Variants in STAM observed in about 807,000 individuals in gnomAD.
The protein encoded by STAM is signal transducing adaptor molecule.
STAM carries 16 observed loss-of-function variants against 63.4 expected under a neutral mutation model. The ratio of observed to expected loss-of-function variants is 0.25; its 90% confidence interval spans 0.17 to 0.38. The LOEUF (loss-of-function observed/expected upper bound fraction) is 0.38. STAM is among the 10% of genes least tolerant of loss of function. The pLI is 1.00. For missense variants in STAM, 636 were observed against 657.1 expected, an observed-to-expected ratio of 0.97 and a Z score of 0.35; for synonymous variants, 238 against 223.9, an observed-to-expected ratio of 1.06 and a Z score of -0.56.
chr10:17,665,367 T>C (rs1834334236), intron 2 of STAM, among the ~76,000 whole-genome samples: 1 of 152,188 alleles, frequency 6.6e-6, no homozygotes. Context: ...CATTGACAAG[T>C]CTAATTCCTA....
intron 2 of STAM, among the ~76,000 whole-genome samples, chr10:17,666,245 G>T (rs782302287): frequency 6.6e-6 from 1 of 152,042 alleles, no homozygotes; most frequent in Admixed American, 6.6e-5. Context: ...TTCTTTACCC[G>T]ACTAATGGAT....
At chr10:17,644,609 GC>G (rs1554820576) in intron 1 of STAM, among the ~76,000 whole-genome samples, 2 of 152,310 alleles carry the variant, frequency 1.3e-5, no homozygotes, top group African/African-American at 4.8e-5. Flanking sequence ...ACTGTAGGTT[GC>G]CAAAGAACTG....
intron 12 of STAM, among the ~76,000 whole-genome samples, chr10:17,707,475 G>A (rs1325926949): frequency 6.6e-6 from 1 of 151,832 alleles, no homozygotes; most frequent in Non-Finnish European, 1.5e-5. Context: ...TTTTTTCCAT[G>A]TAAAGTGGGC....
intron 9 of STAM, among the ~76,000 whole-genome samples, chr10:17,703,872 C>CTA (rs1346160277): frequency 1.3e-5 from 2 of 152,162 alleles, no homozygotes; most frequent in East Asian, 3.9e-4. Flanking sequence ...GAAACAGCTG[C>CTA]TGTATTCACC....
chr10:17,644,915 T>TA (rs1167648048), intron 1 of STAM, among the ~76,000 whole-genome samples: 12 of 152,078 alleles, frequency 7.9e-5, no homozygotes, highest in African/African-American at 2.9e-4. Context: ...GAAGATGAAA[T>TA]ACTTGGCAAC....
At chr10:17,671,442 A>G (rs556666484) in intron 2 of STAM, among the ~76,000 whole-genome samples, 3 of 152,348 alleles carry the variant, frequency 2.0e-5, no homozygotes, top group South Asian at 2.1e-4. Context: ...GGTATTAGAC[A>G]TCTCCTCTTT....
chr10:17,672,622 C>G (rs567840986), intron 2 of STAM, among the ~76,000 whole-genome samples: 2 of 152,294 alleles, frequency 1.3e-5, no homozygotes, highest in African/African-American at 4.8e-5. Flanking sequence ...TGTATGCAAG[C>G]CAGCTTCTTC....
chr10:17,686,612 T>G (rs186387994), intron 4 of STAM, among the ~76,000 whole-genome samples: 5 of 152,228 alleles, frequency 3.3e-5, no homozygotes, highest in Non-Finnish European at 7.4e-5. Context: ...ACTCCTGACC[T>G]TGTGATTGCC....
chr10:17,702,045 T>G (rs1311812746), intron 9 of STAM, among the ~76,000 whole-genome samples: 1 of 152,174 alleles, frequency 6.6e-6, no homozygotes, highest in African/African-American at 2.4e-5. Flanking sequence ...TTAATGAAAT[T>G]GCTATAATAG....
chr10:17,667,908 T>G (rs1564538722), intron 2 of STAM, among the ~76,000 whole-genome samples: 1 of 151,956 alleles, frequency 6.6e-6, no homozygotes, highest in African/African-American at 2.4e-5. Context: ...CAGAAGTCAG[T>G]TGCCCTGAAT....
At chr10:17,659,556 C>T (rs1281390391) in intron 1 of STAM, among the ~76,000 whole-genome samples, 1 of 145,156 alleles carries the variant, frequency 6.9e-6, no homozygotes, top group Non-Finnish European at 1.5e-5. Flanking sequence ...TCAGCCTCAA[C>T]CTCTTGGGCT....
chr10:17,684,626 G>A, intron 2 of STAM, 49 bp from the exon 3 acceptor site: 1 of 1,485,802 alleles, frequency 6.7e-7, no homozygotes, highest in Non-Finnish European at 9.3e-7. Flanking sequence ...AGGGGCAGGG[G>A]GAAGCTAGAT....
chr10:17,678,942 G>T (rs1834966778), intron 2 of STAM, among the ~76,000 whole-genome samples: 3 of 152,166 alleles, frequency 2.0e-5, no homozygotes, highest in African/African-American at 7.2e-5. Context: ...CATCCATGTT[G>T]TATATAGCAT....
intron 1 of STAM, among the ~76,000 whole-genome samples, chr10:17,649,398 A>T (rs1414490596): frequency 6.6e-6 from 1 of 151,800 alleles, no homozygotes; most frequent in Non-Finnish European, 1.5e-5. Flanking sequence ...GTCTTTAAAA[A>T]AAAAAAAAAA....
At chr10:17,704,031 G>A (rs1031010318) in intron 9 of STAM, among the ~76,000 whole-genome samples, 2 of 152,228 alleles carry the variant, frequency 1.3e-5, no homozygotes, top group Non-Finnish European at 2.9e-5. Context: ...CTCACGCATT[G>A]TAAGTTTAAA....
intron 2 of STAM, among the ~76,000 whole-genome samples, chr10:17,664,978 A>G (rs1554823252): frequency 6.6e-6 from 1 of 152,142 alleles, no homozygotes. Flanking sequence ...GGATAAATAA[A>G]ATGAAATAAT....
chr10:17,673,838 T>C (rs1283598150), intron 2 of STAM, among the ~76,000 whole-genome samples: 4 of 152,248 alleles, frequency 2.6e-5, no homozygotes, highest in Non-Finnish European at 5.9e-5. Flanking sequence ...GTTACAACTA[T>C]TATCTGACAG....
chr10:17,687,458 C>T (rs532708836), intron 4 of STAM, among the ~76,000 whole-genome samples: 17 of 151,966 alleles, frequency 1.1e-4, no homozygotes, highest in African/African-American at 2.9e-4. Flanking sequence ...CACTGCAGTC[C>T]GGCTTCTGCC....
intron 5 of STAM, among the ~76,000 whole-genome samples, chr10:17,692,397 G>GGA (rs1835579795): frequency 6.6e-6 from 1 of 152,206 alleles, no homozygotes; most frequent in Admixed American, 6.5e-5. Flanking sequence ...GAGCAAAGGA[G>GGA]CCATAGGGGG....
Sources: allele counts gnomAD v4.1 joint callset (sites outside exome capture counted in the v4.1 genomes callset), GRCh38; gene constraint gnomAD v4.1.1; transcripts MANE v1.5; gene names NCBI Gene and HGNC (gene_info 2026-07-23, HGNC 2026-07-21).